The following GPRC5D variants were observed in gnomAD, a reference collection of about 807,000 sequenced individuals.
GPRC5D encodes the protein G protein-coupled receptor class C group 5 member D.
Under a neutral mutation model 29.3 loss-of-function variants are expected in GPRC5D, and 20 were observed. The ratio of observed to expected loss-of-function variants is 0.68; its 90% CI spans 0.48 to 0.99. The LOEUF is 0.99. GPRC5D is among the 50% of genes least tolerant of loss of function. The pLI, the probability that GPRC5D is intolerant of heterozygous loss-of-function variation, is 0.00. For synonymous variants in GPRC5D, 178 were observed against 171.3 expected (o/e 1.04, Z -0.30); for missense variants, 384 against 423.6 (o/e 0.91, Z 0.82).
chr12:12,944,969 TTTTCTTTTTC>T (rs1176492534), intron 1 of GPRC5D, among the ~76,000 whole-genome samples: 10 of 90,780 alleles, frequency 1.1e-4, no homozygotes, highest in South Asian at 8.3e-4. Context: ...TTTTCTTTCC[TTTTCTTTTTC>T]TCTCTCTCTC....
rs373699086 is a variant in GPRC5D, at chr12:12,942,331, G to A, written c.896-3C>T. 6.3e-5 allele frequency: 102 copies of A among 1,607,824 alleles called. 1 individual carries two copies. The African/African-American group carries it at 1.1e-3, about 17-fold the overall frequency. On this transcript the variant is annotated splice_polypyrimidine_tract_variant and splice_region_variant and intron_variant, in intron 1 of 2. Coordinates refer to ENST00000228887, the Ensembl canonical transcript of GPRC5D. ...CTCAGCTCCATCACTGTCTCGGGCT[G>A]AAAGCCAAAGGAGGGAAGGGCTGGG...
At chr12:12,951,545 C>G (rs3759219), upstream of GPRC5D, among the ~76,000 whole-genome samples, 27,862 of 152,206 alleles carry the variant, frequency 0.18, 3,305 homozygotes, top group Middle Eastern at 0.34. Flanking sequence ...AAAAGCTGAA[C>G]AGGCTTCACT....
chr12:12,946,780 A>G (rs570561819), intron 1 of GPRC5D, among the ~76,000 whole-genome samples: 1 of 152,112 alleles, frequency 6.6e-6, no homozygotes, highest in African/African-American at 2.4e-5. Context: ...CCAGCTAGGG[A>G]TCCCTTGTCC....
intron 1 of GPRC5D, among the ~76,000 whole-genome samples, chr12:12,944,750 T>G (rs1863231944): frequency 2.2e-5 from 1 of 46,494 alleles, no homozygotes; most frequent in East Asian, 6.6e-4. Context: ...TCTTCCTTCC[T>G]TCCTTCCTTT....
At chr12:12,947,150 G>A (rs1369644131) in intron 1 of GPRC5D, 1 of 152,090 alleles carries the variant, frequency 6.6e-6, no homozygotes, top group Non-Finnish European at 1.5e-5. Flanking sequence ...ACCGATTGTG[G>A]GTACAATGGC....
At chr12:12,941,267 C>G (rs1592368090) in intron 2 of GPRC5D, among the ~76,000 whole-genome samples, 1 of 152,102 alleles carries the variant, frequency 6.6e-6, no homozygotes, top group Admixed American at 6.6e-5. Context: ...TTGTCAATAA[C>G]AAAAGAAGAA....
chr12:12,951,874 G>T (rs1422697654), upstream of GPRC5D, among the ~76,000 whole-genome samples: 1 of 151,992 alleles, frequency 6.6e-6, no homozygotes, highest in African/African-American at 2.4e-5. Context: ...GTTCATCAAA[G>T]AATTGTACAA....
chr12:12,949,450 A>G, intron 1 of GPRC5D, 40 bp downstream of exon 2: 1 of 1,514,986 alleles, frequency 6.6e-7, no homozygotes. Flanking sequence ...CTTCTCCTGT[A>G]GGAGCACCTC....
intron 1 of GPRC5D, among the ~76,000 whole-genome samples, chr12:12,946,191 T>C (rs1469899800): frequency 3.3e-5 from 5 of 152,180 alleles, no homozygotes; most frequent in African/African-American, 4.8e-5. Flanking sequence ...CTATCTTTAG[T>C]TGGAGATGGA....
At chr12:12,942,179 A>G in intron 2 of GPRC5D, 82 bp downstream of exon 3, 2 of 894,760 alleles carry the variant, frequency 2.2e-6, no homozygotes, top group South Asian at 1.4e-5. Flanking sequence ...CAGTAAAGCC[A>G]TTAGAAATGA....
intron 1 of GPRC5D, among the ~76,000 whole-genome samples, chr12:12,944,841 C>CT (rs1565477346): frequency 2.0e-4 from 5 of 25,232 alleles, no homozygotes; most frequent in East Asian, 1.1e-3. Context: ...TTCCTTCCTT[C>CT]CTTCCTTCCT....
chr12:12,943,681 T>A (rs879276325), intron 1 of GPRC5D, among the ~76,000 whole-genome samples: 2 of 150,650 alleles, frequency 1.3e-5, no homozygotes, highest in Admixed American at 1.3e-4. Flanking sequence ...TGCTTGTCTT[T>A]CCTTCATGGC....
Position 12,950,048 on chromosome 12 carries a change from T to G in GPRC5D, c.337A>C (p.Asn113His), listed in dbSNP as rs760253143. ...CAACCCCGAACCAGCTTCACTAGAT[T>G]GGAGGCATGAGCTAAGAGGCATGAG... is the stretch of plus-strand genomic sequence containing the variant. The change falls in exon 1 of 3, where the codon AAT becomes CAT. Residue 113 changes from asparagine to histidine, a missense_variant. Physicochemically the swap from Asn to His is moderately conservative, Grantham distance 68. Transcript: ENST00000228887. 155 of 1,613,808 alleles carry G rather than the reference T, an allele frequency of 9.6e-5. No individual in the cohort carries two copies. The highest frequency in any genetic ancestry group is 1.3e-4 in the Non-Finnish European group (151 of 1,179,906).
intron 1 of GPRC5D, among the ~76,000 whole-genome samples, chr12:12,949,257 A>C (rs1379853338): frequency 6.6e-6 from 1 of 152,148 alleles, no homozygotes; most frequent in Non-Finnish European, 1.5e-5. Flanking sequence ...CCTTTGATTC[A>C]TGTATGTCTT....
chr12:12,945,409 T>C (rs1272317849), intron 1 of GPRC5D, among the ~76,000 whole-genome samples: 1 of 152,200 alleles, frequency 6.6e-6, no homozygotes, highest in Non-Finnish European at 1.5e-5. Flanking sequence ...AGTTTTCCAC[T>C]CATAAAACAA....
exon 2 of GPRC5D, chr12:12,942,284 A>G: frequency 6.2e-7 from 1 of 1,611,570 alleles, no homozygotes; most frequent in Non-Finnish European, 8.5e-7. Flanking sequence ...GGAGTACCAT[A>G]TGAAGTTAAT....
At chr12:12,946,018 T>A (rs551171722) in intron 1 of GPRC5D, among the ~76,000 whole-genome samples, 1 of 152,384 alleles carries the variant, frequency 6.6e-6, no homozygotes, top group African/African-American at 2.4e-5. Flanking sequence ...TATCTTAAAA[T>A]TAAGTCCATA....
intron 1 of GPRC5D, 140 bp downstream of exon 2, chr12:12,949,350 T>C (rs1863427541): frequency 1.5e-5 from 10 of 687,864 alleles, no homozygotes; most frequent in South Asian, 1.4e-4. Context: ...TCTGCATTTC[T>C]ATGCTTGAAC....
upstream of GPRC5D, chr12:12,952,101 ACTTAC>A (rs1385797977): frequency 2.6e-5 from 4 of 152,104 alleles, no homozygotes; most frequent in African/African-American, 9.7e-5. Context: ...CCCAATTCCA[ACTTAC>A]CTTCTCCGTG....
Sources: gnomAD v4.1 joint callset for allele counts (sites outside exome capture counted in the v4.1 genomes callset) on GRCh38, gnomAD v4.1.1 for gene constraint, MANE v1.5 for transcripts, NCBI Gene and HGNC (gene_info 2026-07-23, HGNC 2026-07-21) for gene names.